COL23A1: variants seen among roughly 807,000 people sequenced by gnomAD.
COL23A1 encodes the protein collagen alpha-1(XXIII) chain.
A neutral mutation model predicts 99.3 loss-of-function variants in COL23A1; 97 were observed. That is an observed-to-expected ratio of 0.98 (90% CI 0.83 to 1.16). COL23A1 has a LOEUF of 1.16. Ranked by LOEUF, COL23A1 falls within the 50% of genes most tolerant of loss-of-function variation. The pLI is 0.00. For missense variants in COL23A1, 762 were observed against 757.4 expected (o/e 1.01, Z -0.07); for synonymous variants, 320 against 308.2 (o/e 1.04, Z -0.40).
chr5:178,355,436 G>C (rs1761585578), intron 2 of COL23A1, among the ~76,000 whole-genome samples: 1 of 152,202 alleles, frequency 6.6e-6, no homozygotes, highest in Non-Finnish European at 1.5e-5. Flanking sequence ...ATCTAAAATA[G>C]ATGCAGTTTT....
At chr5:178,551,157 T>C (rs933556687) in intron 2 of COL23A1, among the ~76,000 whole-genome samples, 4 of 148,226 alleles carry the variant, frequency 2.7e-5, no homozygotes, top group African/African-American at 9.8e-5. Context: ...TTATATGTTA[T>C]ATATTATATT....
In COL23A1 at chr5:178,257,568, C is replaced by T; in HGVS notation, c.730-1G>A. 1 of 1,557,536 alleles carries T rather than the reference C, an allele frequency of 6.4e-7. No individual in the cohort carries two copies. Among genetic ancestry groups the T allele is most frequent in the South Asian group, 1.2e-5 (1 of 84,404 alleles). On this transcript the variant is annotated splice_acceptor_variant, in intron 12 of 28. Coordinates refer to ENST00000390654, the MANE Select transcript of COL23A1 (RefSeq NM_173465.4). LOFTEE classifies it high-confidence loss of function. ...GCTGGCTTGGTGTCCCATCGTCGCCCTGAGGAGAGGACACCTGGGGCTTGC... is the reference window on the plus strand; with the variant it reads ...GCTGGCTTGGTGTCCCATCGTCGCCTTGAGGAGAGGACACCTGGGGCTTGC...
chr5:178,587,219 A>G (rs565739062), intron 1 of COL23A1, among the ~76,000 whole-genome samples: 1 of 152,356 alleles, frequency 6.6e-6, no homozygotes, highest in African/African-American at 2.4e-5. Context: ...ATATTTTCAC[A>G]TCATAGTGAA....
chr5:178,502,224 C>T lies in COL23A1; in HGVS notation c.361+58458G>A, dbSNP rs528086100. Among the ~76,000 whole-genome samples, 151 of 152,292 alleles carry T rather than the reference C, an allele frequency of 9.9e-4. 3 individuals are homozygous for T. The South Asian group carries it at 0.027, about 27-fold the overall frequency. On this transcript the variant is annotated intron_variant, in intron 2 of 28. Coordinates refer to ENST00000390654, the MANE Select transcript of COL23A1 (RefSeq NM_173465.4). Reference sequence around the variant, plus strand: ...TCGGCCCACTGCAAGCTCTGCCTCCCAGGTTCACGCCATTCTCCTGCCTCA... The same window carrying T: ...TCGGCCCACTGCAAGCTCTGCCTCCTAGGTTCACGCCATTCTCCTGCCTCA...
Position 178,259,707 on chromosome 5 carries a change from T to C in COL23A1, c.729+14A>G, listed in dbSNP as rs1380199891. On this transcript the variant is annotated intron_variant, in intron 12 of 28. Coordinates refer to ENST00000390654, the MANE Select transcript of COL23A1 (RefSeq NM_173465.4). ...CAACACTGACCCGGAAGCTCCTCCATTGGCCCCTCTCACCTTCTTTCCAGG... is the reference window on the plus strand; with the variant it reads ...CAACACTGACCCGGAAGCTCCTCCACTGGCCCCTCTCACCTTCTTTCCAGG... 12 of 1,533,446 alleles carry C rather than the reference T, an allele frequency of 7.8e-6. No homozygotes were observed. The highest frequency in any genetic ancestry group is 1.4e-5 in the African/African-American group (1 of 72,208). 95.0% of individuals were successfully genotyped at this position (1,533,446 alleles called of 1,614,324 possible). A position where few individuals can be genotyped will look rare whatever the true frequency, so the allele number is the denominator to read the frequency against.
chr5:178,546,983 C>A (rs925105925), intron 2 of COL23A1, among the ~76,000 whole-genome samples: 14 of 152,176 alleles, frequency 9.2e-5, no homozygotes, highest in African/African-American at 3.4e-4. Context: ...AAGCCGCTCG[C>A]ATGCAGAGTG....
At chr5:178,259,116 T>C (rs550741181) in intron 12 of COL23A1, among the ~76,000 whole-genome samples, 2 of 152,176 alleles carry the variant, frequency 1.3e-5, no homozygotes, top group Non-Finnish European at 2.9e-5. Context: ...AGATGGGGTT[T>C]CATCATGTTG....
In COL23A1 at chr5:178,439,246, G is replaced by A. The variant is rs1766729973; in HGVS notation, c.361+121436C>T. The A allele has an allele frequency of 6.6e-6, 1 of 152,212 alleles. No individual in the cohort carries two copies. The highest frequency in any genetic ancestry group is 2.4e-5 in the African/African-American group (1 of 41,426). 9.4% of individuals were successfully genotyped at this position (152,212 alleles called of 1,614,324 possible). A position where few individuals can be genotyped will look rare whatever the true frequency, so the allele number is the denominator to read the frequency against. ...GATGCATGGACAGGCAAGAGCCAGA[G>A]GCCCCGGCACCATCATCGCAGTCCA... On this transcript the variant is annotated intron_variant, in intron 2 of 28. Coordinates refer to ENST00000390654, the MANE Select transcript of COL23A1 (RefSeq NM_173465.4). The surrounding 1 kb of genome is among the most constrained non-coding windows in gnomAD (Gnocchi z 4.2).
In COL23A1 at chr5:178,268,368, C is replaced by G. The variant is rs143733484; in HGVS notation, c.495+362G>C. Reference sequence around the variant, plus strand: ...CCGCCTTGTCTTCCTGATGGGTGTCCTCCCCACAGAGAATACCATTAACAG... The same window carrying G: ...CCGCCTTGTCTTCCTGATGGGTGTCGTCCCCACAGAGAATACCATTAACAG... On this transcript the variant is annotated intron_variant, in intron 7 of 28. Coordinates refer to ENST00000390654, the MANE Select transcript of COL23A1 (RefSeq NM_173465.4). 3.5e-3 allele frequency among the ~76,000 whole-genome samples: 538 copies of G among 152,266 alleles called. 2 individuals carry two copies. The highest frequency in any genetic ancestry group is 0.013 in the African/African-American group (524 of 41,552).
At chr5:178,254,701 G>A (rs1489066072) in intron 16 of COL23A1, among the ~76,000 whole-genome samples, 1 of 152,162 alleles carries the variant, frequency 6.6e-6, no homozygotes, top group Non-Finnish European at 1.5e-5. Context: ...TGAGTGGGGA[G>A]CTTCCCTTTT....
At chr5:178,390,881 T>G (rs764458065) in intron 2 of COL23A1, among the ~76,000 whole-genome samples, 1 of 152,242 alleles carries the variant, frequency 6.6e-6, no homozygotes, top group African/African-American at 2.4e-5. Context: ...GGCAGTAGTG[T>G]GTTAATATGA....
At chr5:178,261,588 C>A in intron 11 of COL23A1, 134 bp downstream of exon 11, 1 of 675,816 alleles carries the variant, frequency 1.5e-6, no homozygotes. Flanking sequence ...GCCCATGGTC[C>A]AGGAATTTGA....
At chr5:178,247,721 C>A (rs1403756554) in intron 21 of COL23A1, 54 bp downstream of exon 21, 3 of 1,584,832 alleles carry the variant, frequency 1.9e-6, no homozygotes, top group Admixed American at 1.7e-5. Context: ...AGCCCCCACC[C>A]CGCCTCTTGG....
At chr5:178,378,609 C>A (rs770211916) in intron 2 of COL23A1, among the ~76,000 whole-genome samples, 1 of 152,208 alleles carries the variant, frequency 6.6e-6, no homozygotes, top group Non-Finnish European at 1.5e-5. Flanking sequence ...GAAGTTCCCC[C>A]GCAGAGGCGA....
At chr5:178,243,616 T>A (rs1280870289) in intron 25 of COL23A1, among the ~76,000 whole-genome samples, 1 of 151,092 alleles carries the variant, frequency 6.6e-6, no homozygotes, top group African/African-American at 2.4e-5. Flanking sequence ...AGGTGTGAAA[T>A]AGGGGTGGTG....
At chr5:178,344,164 C>T (rs1462277982) in intron 2 of COL23A1, among the ~76,000 whole-genome samples, 1 of 152,040 alleles carries the variant, frequency 6.6e-6, no homozygotes, top group African/African-American at 2.4e-5. Flanking sequence ...TCCAGCACCC[C>T]CAAAAGATAC....
At chr5:178,453,806 C>G (rs1216313493) in intron 2 of COL23A1, among the ~76,000 whole-genome samples, 1 of 152,136 alleles carries the variant, frequency 6.6e-6, no homozygotes, top group African/African-American at 2.4e-5. Flanking sequence ...CAAACCCAGG[C>G]AGTCTGTCTC....
At chr5:178,524,769 CCT>C (rs1209790207) in intron 2 of COL23A1, among the ~76,000 whole-genome samples, 3 of 152,182 alleles carry the variant, frequency 2.0e-5, no homozygotes, top group African/African-American at 4.8e-5. Flanking sequence ...CATAAGGGCC[CCT>C]GTCTAGAGCC....
At chr5:178,511,232 C>G (rs1759189495) in intron 2 of COL23A1, among the ~76,000 whole-genome samples, 1 of 152,148 alleles carries the variant, frequency 6.6e-6, no homozygotes, top group African/African-American at 2.4e-5. Flanking sequence ...CACTGAGGAA[C>G]AGATCAAAGC....
Sources: gnomAD v4.1 joint callset for allele counts (sites outside exome capture counted in the v4.1 genomes callset) on GRCh38, gnomAD v4.1.1 for gene constraint, Gnocchi (gnomAD v3.1) non-coding constraint, MANE v1.5 for transcripts, NCBI Gene and HGNC (gene_info 2026-07-23, HGNC 2026-07-21) for gene names.